VAV3: variants seen among roughly 807,000 people sequenced by gnomAD.
The protein encoded by VAV3 is guanine nucleotide exchange factor VAV3.
Under a neutral mutation model 131.2 loss-of-function variants are expected in VAV3, and 94 were observed. The ratio of observed to expected loss-of-function variants is 0.72; its 90% confidence interval spans 0.61 to 0.85. VAV3 has a LOEUF of 0.85. Among genes scored for constraint, VAV3 ranks in the 40% least tolerant of loss-of-function variants. VAV3 has a pLI of 0.00. For missense variants in VAV3, 939 were observed against 1,002.7 expected (o/e 0.94, Z 0.86); for synonymous variants, 349 against 342.0 (o/e 1.02, Z -0.22).
chr1:107,803,387 G>A (rs573172993), intron 2 of VAV3, among the ~76,000 whole-genome samples: 18 of 152,052 alleles, frequency 1.2e-4, no homozygotes, highest in Admixed American at 2.0e-4. Context: ...GGTATTTACT[G>A]CTATAAACTT....
intron 20 of VAV3, among the ~76,000 whole-genome samples, chr1:107,638,551 T>C (rs1438957793): frequency 1.3e-5 from 2 of 152,160 alleles, no homozygotes; most frequent in East Asian, 3.8e-4. Context: ...ATGAGGAGTA[T>C]AGTATGTTCA....
intron 1 of VAV3, among the ~76,000 whole-genome samples, chr1:107,921,156 G>A (rs1049313780): frequency 6.6e-6 from 1 of 152,076 alleles, no homozygotes; most frequent in Non-Finnish European, 1.5e-5. Flanking sequence ...GTCATACACG[G>A]CTACTGCAAT....
chr1:107,755,526 G>C lies in VAV3; in HGVS notation c.1087-13C>G. ...ATTGTGCCAAGTCCTAGACAATAAA[G>C]AAAAGGGTAGAAAAAGAAGGCACAC... On this transcript the variant is annotated splice_polypyrimidine_tract_variant and intron_variant, in intron 11 of 26. Coordinates refer to ENST00000370056, the MANE Select transcript of VAV3 (RefSeq NM_006113.5). The C allele has an allele frequency of 1.3e-6, 2 of 1,587,472 alleles. No homozygotes were observed. The highest frequency in any genetic ancestry group is 1.7e-6 in the Non-Finnish European group (2 of 1,159,214).
intron 15 of VAV3, among the ~76,000 whole-genome samples, chr1:107,709,310 T>C (rs1007752842): frequency 2.6e-5 from 4 of 152,186 alleles, no homozygotes; most frequent in African/African-American, 9.7e-5. Flanking sequence ...TCATAGCTGA[T>C]AGAAATCAGA....
At chr1:107,882,677 T>A (rs1430020228) in intron 1 of VAV3, among the ~76,000 whole-genome samples, 1 of 152,138 alleles carries the variant, frequency 6.6e-6, no homozygotes, top group Admixed American at 6.5e-5. Flanking sequence ...AAATCTTACA[T>A]CTCCTAGAAA....
chr1:107,760,961 T>A (rs879507233), intron 9 of VAV3, 82 bp from the exon 10 acceptor site: 1 of 859,180 alleles, frequency 1.2e-6, no homozygotes, highest in Non-Finnish European at 1.9e-6. Flanking sequence ...ACAGTTATTA[T>A]ACAATAAATG....
At chr1:107,576,472 G>A in intron 25 of VAV3, 1 of 1,499,810 alleles carries the variant, frequency 6.7e-7, no homozygotes, top group Non-Finnish European at 8.8e-7. Flanking sequence ...GAACAAAGAG[G>A]GGGCTTTGAG....
chr1:107,632,307 C>T (rs1654565110), intron 20 of VAV3, among the ~76,000 whole-genome samples: 1 of 152,130 alleles, frequency 6.6e-6, no homozygotes, highest in African/African-American at 2.4e-5. Flanking sequence ...GGAAGTGAGG[C>T]TGTGTGTTGA....
intron 18 of VAV3, among the ~76,000 whole-genome samples, chr1:107,687,213 T>A (rs990337121): frequency 2.6e-5 from 4 of 152,106 alleles, no homozygotes; most frequent in African/African-American, 7.2e-5. Context: ...AGACTTTAGG[T>A]TTTAAAATAT....
Position 107,643,466 on chromosome 1 carries a change from C to G in VAV3, c.1778-711G>C, listed in dbSNP as rs1570671429. Among the ~76,000 whole-genome samples the G allele has an allele frequency of 2.0e-5, 3 of 152,160 alleles. No homozygotes were observed. The East Asian group carries it at 5.8e-4, about 29-fold the overall frequency. On this transcript the variant is annotated intron_variant, in intron 19 of 26. Transcript: ENST00000370056. Reference sequence around the variant, plus strand: ...TGAGAGAACAGCAGCTTCAATTGAACATGGGTCTAGGTGCAGCAATACTGG... The same window carrying G: ...TGAGAGAACAGCAGCTTCAATTGAAGATGGGTCTAGGTGCAGCAATACTGG...
chr1:107,668,191 T>G (rs1413722422), intron 19 of VAV3, among the ~76,000 whole-genome samples: 1 of 152,222 alleles, frequency 6.6e-6, no homozygotes, highest in Non-Finnish European at 1.5e-5. Flanking sequence ...GCATCTGGCA[T>G]GATCCATAAT....
chr1:107,603,507 GT>G (rs1166848314), intron 22 of VAV3, among the ~76,000 whole-genome samples: 1 of 152,064 alleles, frequency 6.6e-6, no homozygotes, highest in Non-Finnish European at 1.5e-5. Flanking sequence ...AAACTGCCCT[GT>G]ATAAGATACA....
chr1:107,750,591 C>T (rs896477815), intron 13 of VAV3, among the ~76,000 whole-genome samples: 1 of 152,132 alleles, frequency 6.6e-6, no homozygotes, highest in East Asian at 1.9e-4. Flanking sequence ...TTTCGCTTCT[C>T]CAAAGATTCC....
intron 2 of VAV3, among the ~76,000 whole-genome samples, chr1:107,852,163 C>T (rs902744597): frequency 6.6e-5 from 10 of 152,064 alleles, no homozygotes; most frequent in Admixed American, 4.6e-4. Context: ...GTACCTATAC[C>T]TTTAATAAAC....
intron 26 of VAV3, among the ~76,000 whole-genome samples, chr1:107,573,610 A>G (rs1649403326): frequency 1.3e-5 from 2 of 152,252 alleles, no homozygotes; most frequent in Non-Finnish European, 2.9e-5. Context: ...ATGTAAATTA[A>G]GTATAATACA....
chr1:107,739,654 A>T (rs12564766), intron 15 of VAV3, among the ~76,000 whole-genome samples: 45,042 of 152,166 alleles, frequency 0.3, 6,967 homozygotes, highest in African/African-American at 0.38. Context: ...TAATTTCTCA[A>T]CAAAAAACAA....
chr1:107,892,521 C>A (rs1158670161), intron 1 of VAV3, among the ~76,000 whole-genome samples: 2 of 152,066 alleles, frequency 1.3e-5, no homozygotes, highest in Non-Finnish European at 2.9e-5. Context: ...TTTTCTAATT[C>A]TCCTTCCCCT....
intron 15 of VAV3, among the ~76,000 whole-genome samples, chr1:107,738,274 A>AG (rs1469511363): frequency 6.6e-6 from 1 of 152,244 alleles, no homozygotes; most frequent in Non-Finnish European, 1.5e-5. Flanking sequence ...TAATGGGTGC[A>AG]GCAAACCAAC....
intron 1 of VAV3, among the ~76,000 whole-genome samples, chr1:107,952,468 T>TCATA (rs142331597): frequency 8.4e-6 from 1 of 119,028 alleles, no homozygotes; most frequent in East Asian, 2.8e-4. Flanking sequence ...TAACAAAACT[T>TCATA]TATATATATA....
Sources: allele counts gnomAD v4.1 joint callset (sites outside exome capture counted in the v4.1 genomes callset), GRCh38; gene constraint gnomAD v4.1.1; transcripts MANE v1.5; gene names NCBI Gene and HGNC (gene_info 2026-07-23, HGNC 2026-07-21).